The following RP1 variants were observed in gnomAD, a reference collection of about 807,000 sequenced individuals.
RP1 encodes the protein RP1 axonemal microtubule associated, also known as oxygen-regulated protein 1.
RP1 carries 16 observed loss-of-function variants against 14.8 expected under a neutral mutation model. The observed-to-expected ratio is 1.08, with a 90% CI of 0.73 to 1.65. The LOEUF (loss-of-function observed/expected upper bound fraction) is 1.65, where lower values mean the gene tolerates loss of function less well. RP1 is among the 40% of genes most tolerant of loss of function. RP1 has a pLI of 0.00. For synonymous variants in RP1, 876 were observed against 883.6 expected (o/e 0.99, Z 0.15); for missense variants, 2,631 against 2,535.0 (o/e 1.04, Z -0.81).
At chr8:54,849,503 TA>T (rs1043416453) in intron 25 of RP1, among the ~76,000 whole-genome samples, 3 of 151,604 alleles carry the variant, frequency 2.0e-5, no homozygotes, top group Non-Finnish European at 2.9e-5. Flanking sequence ...GCAAGTATAT[TA>T]AAAAAAAATT....
rs576809267 is a variant in RP1 at position 54,748,535 on chromosome 8, G to A, written c.2809-6268G>A. Among the ~76,000 whole-genome samples, 6 of 152,292 alleles carry A rather than the reference G, an allele frequency of 3.9e-5. No homozygotes were observed. The South Asian group carries it at 1.2e-3, about 32-fold the overall frequency. On this transcript the variant is annotated intron_variant, in intron 19 of 22. Coordinates refer to the RP1 transcript ENST00000636932. The stretch of plus-strand genomic sequence containing the variant: ...CTTGTACAGTCCTTGATAACAAATA[G>A]GGTATTATCACAAGGCACAGGATGA...
chr8:54,672,488 G>A (rs1363563256), intron 7 of RP1, among the ~76,000 whole-genome samples: 1 of 152,078 alleles, frequency 6.6e-6, no homozygotes, highest in Non-Finnish European at 1.5e-5. Flanking sequence ...CTCTTAAGTG[G>A]TTTCTAAAGT....
intron 1 of RP1, among the ~76,000 whole-genome samples, chr8:54,577,761 G>A (rs896024058): frequency 2.6e-5 from 4 of 152,106 alleles, no homozygotes; most frequent in Admixed American, 6.6e-5. Context: ...TACCCCTCAC[G>A]GAGCTGGAAA....
chr8:54,654,299 A>C (rs567970551), intron 5 of RP1, among the ~76,000 whole-genome samples: 2 of 152,216 alleles, frequency 1.3e-5, no homozygotes, highest in Non-Finnish European at 2.9e-5. Flanking sequence ...CACTGATTCC[A>C]TGATAGCAAC....
intron 14 of RP1, among the ~76,000 whole-genome samples, chr8:54,705,296 T>C (rs1808122801): frequency 6.6e-6 from 1 of 152,176 alleles, no homozygotes; most frequent in African/African-American, 2.4e-5. Flanking sequence ...AAGAGACACA[T>C]AAGGCAGAGT....
intron 5 of RP1, among the ~76,000 whole-genome samples, chr8:54,654,846 C>A (rs1806723189): frequency 6.6e-6 from 1 of 152,094 alleles, no homozygotes; most frequent in African/African-American, 2.4e-5. Flanking sequence ...AGGGTCTTGC[C>A]ATGTTGCCCT....
chr8:54,794,037 A>G (rs1406552249), intron 24 of RP1, among the ~76,000 whole-genome samples: 1 of 151,986 alleles, frequency 6.6e-6, no homozygotes, highest in East Asian at 1.9e-4. Context: ...TAAAAAAATA[A>G]GTCATTGTTG....
intron 7 of RP1, among the ~76,000 whole-genome samples, chr8:54,668,826 T>C (rs1186988088): frequency 1.3e-5 from 2 of 152,180 alleles, no homozygotes; most frequent in Non-Finnish European, 2.9e-5. Context: ...TAGCTGAAAC[T>C]GTAGAAAGCT....
intron 3 of RP1, among the ~76,000 whole-genome samples, chr8:54,638,916 C>T (rs1467999635): frequency 6.6e-6 from 1 of 151,826 alleles, no homozygotes; most frequent in Non-Finnish European, 1.5e-5. Context: ...CTCGGTCTCT[C>T]TCACCCTTTA....
At chr8:54,661,103 C>G (rs933003942) in intron 6 of RP1, among the ~76,000 whole-genome samples, 2 of 150,302 alleles carry the variant, frequency 1.3e-5, no homozygotes, top group African/African-American at 4.9e-5. Context: ...CTCTTGAGTT[C>G]AAGACCAGCC....
upstream of RP1, among the ~76,000 whole-genome samples, chr8:54,615,754 A>G (rs1805702276): frequency 6.6e-6 from 1 of 152,272 alleles, no homozygotes; most frequent in East Asian, 1.9e-4. Context: ...TTAGAAACTT[A>G]TCAGAATGAG....
At chr8:54,604,089 TGA>T (rs993732223) in intron 1 of RP1, among the ~76,000 whole-genome samples, 7 of 152,198 alleles carry the variant, frequency 4.6e-5, no homozygotes, top group African/African-American at 1.7e-4. Flanking sequence ...ATAGGAGTGG[TGA>T]GAGAGGGCAT....
At chr8:54,839,685 T>C (rs547185287) in intron 25 of RP1, among the ~76,000 whole-genome samples, 1 of 152,260 alleles carries the variant, frequency 6.6e-6, no homozygotes, top group South Asian at 2.1e-4. Flanking sequence ...CAGCATCTCC[T>C]TGATTAGCCT....
At chr8:54,706,491 C>G (rs1202773806) in exon 15 of RP1, 1 of 1,535,756 alleles carries the variant, frequency 6.5e-7, no homozygotes, top group Non-Finnish European at 8.7e-7. Flanking sequence ...AAGCCTGTGT[C>G]AGGCCCTGTG....
In RP1 at chr8:54,701,534, C is replaced by T. The variant is rs550266433; in HGVS notation, c.1870C>T (p.Arg624Cys). 5.9e-5 allele frequency: 90 copies of T among 1,535,408 alleles called. 1 individual carries two copies. Among genetic ancestry groups the T allele is most frequent in the South Asian group, 4.4e-4 (37 of 83,992 alleles). ...GCTGCGGGTGCTTTATCAGCCTAAC[C>T]GCTGTGCACTTCTTGAGTCGGCACT... Residue 624 changes from arginine to cysteine, a missense_variant, in exon 14 of 23, where the codon CGC becomes TGC. Transcript: ENST00000636932.
chr8:54,742,667 A>G (rs1030690800), intron 19 of RP1, among the ~76,000 whole-genome samples: 6 of 152,244 alleles, frequency 3.9e-5, no homozygotes, highest in African/African-American at 1.4e-4. Flanking sequence ...TGACCTTTTA[A>G]GAAGATGCAA....
intron 12 of RP1, among the ~76,000 whole-genome samples, chr8:54,690,506 G>T (rs766984028): frequency 2.0e-5 from 3 of 151,882 alleles, no homozygotes; most frequent in Non-Finnish European, 4.4e-5. Context: ...CTCTAAATTG[G>T]GTATTGTCTG....
At chr8:54,869,229 C>A (rs1812524522) in intron 28 of RP1, among the ~76,000 whole-genome samples, 1 of 152,134 alleles carries the variant, frequency 6.6e-6, no homozygotes, top group African/African-American at 2.4e-5. Context: ...TACTGTCTCA[C>A]ATGGGAGCCA....
At chr8:54,786,488 G>T (rs1480732652) in intron 24 of RP1, among the ~76,000 whole-genome samples, 4 of 151,920 alleles carry the variant, frequency 2.6e-5, no homozygotes. Context: ...TGGTTGCAAG[G>T]TTGCCAGTTT....
Sources: allele counts gnomAD v4.1 joint callset (sites outside exome capture counted in the v4.1 genomes callset), GRCh38; gene constraint gnomAD v4.1.1; transcripts MANE v1.5; gene names NCBI Gene and HGNC (gene_info 2026-07-23, HGNC 2026-07-21).